The following NRXN3 variants were observed in gnomAD, a reference collection of about 807,000 sequenced individuals.
The protein encoded by NRXN3 is neurexin III.
Under a neutral mutation model 137.6 loss-of-function variants are expected in NRXN3, and 32 were observed. The observed-to-expected ratio is 0.23, with a 90% CI of 0.18 to 0.31. The LOEUF (loss-of-function observed/expected upper bound fraction) is 0.31, where lower values mean the gene tolerates loss of function less well. Ranked by LOEUF, NRXN3 falls within the 10% of genes least tolerant of loss-of-function variation. The pLI is 1.00. For missense variants in NRXN3, 1,574 were observed against 2,062.5 expected (o/e 0.76, Z 4.59); for synonymous variants, 798 against 784.5 (o/e 1.02, Z -0.29).
At chr14:78,961,610 A>C (rs1036156521) in intron 11 of NRXN3, among the ~76,000 whole-genome samples, 5 of 152,226 alleles carry the variant, frequency 3.3e-5, no homozygotes, top group Non-Finnish European at 7.3e-5. Flanking sequence ...TAAAAACTTT[A>C]CGTGTGTTGA....
rs191472275 is a variant in NRXN3 at position 79,539,948 on chromosome 14, C to A, written c.3444+72546C>A. Among the ~76,000 whole-genome samples the A allele has an allele frequency of 2.3e-4, 35 of 152,156 alleles. No homozygotes were observed. The East Asian group carries it at 6.6e-3, about 29-fold the overall frequency. On this transcript the variant is annotated intron_variant, in intron 16 of 20. Transcript: ENST00000335750. ...GCTATTTTTTCTAGGGACTTTTCTT[C>A]TCCCAAAGTTATGTTGAAACAGGCA...
Position 78,645,303 on chromosome 14 carries a change from C to T in NRXN3, c.941C>T (p.Ala314Val), listed in dbSNP as rs748299316. 3.0e-5 allele frequency: 48 copies of T among 1,598,652 alleles called. No homozygotes were observed. Among genetic ancestry groups the T allele is most frequent in the Non-Finnish European group, 3.9e-5 (46 of 1,179,752 alleles). Residue 314 changes from alanine (A) to valine (V), a missense_variant, in exon 5 of 21, where the codon GCG (alanine) becomes GTG (valine). Ala to Val is a moderately conservative substitution (Grantham distance 64, BLOSUM62 0). Transcript: ENST00000335750. The stretch of plus-strand genomic sequence containing the variant: ...GTCAACCTGGCTCTGAAGGATGGTG[C>T]GGTCTCCTTGGTCATTAACCTGGGG... ...DYVNLALKDG[A>V]VSLVINLGSG...
At chr14:78,695,135 A>G (rs1567078138) in intron 6 of NRXN3, among the ~76,000 whole-genome samples, 2 of 151,622 alleles carry the variant, frequency 1.3e-5, no homozygotes, top group Non-Finnish European at 1.5e-5. Flanking sequence ...CTTAATCTCT[A>G]TCTCCATATT....
chr14:79,481,520 A>G (rs1007891990), intron 16 of NRXN3, among the ~76,000 whole-genome samples: 3 of 152,214 alleles, frequency 2.0e-5, no homozygotes, highest in South Asian at 2.1e-4. Context: ...TGTGACGAAT[A>G]CTGTAGGCAA....
At chr14:78,432,628 G>A (rs148777859) in intron 4 of NRXN3, among the ~76,000 whole-genome samples, 2 of 152,320 alleles carry the variant, frequency 1.3e-5, no homozygotes, top group East Asian at 1.9e-4. Flanking sequence ...GAGAAGTTCA[G>A]TAAAGCTGCC....
In NRXN3 at chr14:78,645,237, G is replaced by C; in HGVS notation, c.875G>C (p.Arg292Pro). The C allele has an allele frequency of 6.3e-7, 1 of 1,598,770 alleles. No individual in the cohort carries two copies. Among genetic ancestry groups the C allele is most frequent in the Non-Finnish European group, 8.5e-7 (1 of 1,179,782 alleles). ...ACCCTCTCCTTTAAGACCTGGCAGC[G>C]TAACGGCCTCATCCTGCACACGGGC... Reference protein sequence around the residue: ...EITLSFKTWQRNGLILHTGKS... With the variant: ...EITLSFKTWQPNGLILHTGKS... Residue 292 changes from arginine to proline, a missense_variant, in exon 5 of 21, where the codon CGT becomes CCT. Coordinates refer to ENST00000335750, the MANE Select transcript of NRXN3 (RefSeq NM_001330195.2).
At chr14:78,937,120 G>T (rs1407390003) in intron 10 of NRXN3, among the ~76,000 whole-genome samples, 3 of 150,460 alleles carry the variant, frequency 2.0e-5, no homozygotes, top group Non-Finnish European at 2.9e-5. Flanking sequence ...TACTCGGGAG[G>T]CTGAGGCAGG....
At chr14:78,839,664 A>T (rs1430526259) in intron 10 of NRXN3, among the ~76,000 whole-genome samples, 2 of 152,120 alleles carry the variant, frequency 1.3e-5, no homozygotes, top group Non-Finnish European at 2.9e-5. Context: ...ACTCAATCAC[A>T]TGTTCACCAC....
At chr14:78,398,226 AAAAAAAAAAAG>A (rs1368462264) in intron 4 of NRXN3, among the ~76,000 whole-genome samples, 1 of 149,820 alleles carries the variant, frequency 6.7e-6, no homozygotes, top group African/African-American at 2.4e-5. Context: ...AAAAAAAAAA[AAAAAAAAAAAG>A]TATGTAATTC....
At chr14:79,722,713 C>G (rs1260707171) in intron 19 of NRXN3, among the ~76,000 whole-genome samples, 1 of 152,090 alleles carries the variant, frequency 6.6e-6, no homozygotes, top group Non-Finnish European at 1.5e-5. Context: ...CTACTGTGTT[C>G]TAAGTGTCTT....
intron 8 of NRXN3, chr14:78,744,795 T>C (rs2098599546): frequency 6.6e-6 from 1 of 152,206 alleles, no homozygotes; most frequent in Admixed American, 6.5e-5. Flanking sequence ...TGAATGAAGA[T>C]ACACACAGAG....
chr14:78,477,191 G>C (rs1383504131), intron 4 of NRXN3, among the ~76,000 whole-genome samples: 1 of 151,978 alleles, frequency 6.6e-6, no homozygotes, highest in Non-Finnish European at 1.5e-5. Flanking sequence ...TGCTTTTTCT[G>C]TGCTGTCTGG....
At chr14:78,828,471 C>G (rs1191543629) in intron 10 of NRXN3, among the ~76,000 whole-genome samples, 2 of 152,120 alleles carry the variant, frequency 1.3e-5, no homozygotes, top group Non-Finnish European at 1.5e-5. Context: ...GCCATATAGC[C>G]CTGTCACAAC....
In NRXN3 at chr14:79,328,582, A is replaced by G. The variant is rs2887910; in HGVS notation, c.3263-138639A>G. Among the ~76,000 whole-genome samples the G allele has an allele frequency of 7.7e-3, 1,170 of 152,234 alleles. 26 individuals are homozygous for G. The South Asian group carries it at 0.078, about 10-fold the overall frequency. ...CTTTTTCCATGGTTTCTCTCTCTAA[A>G]CTTGTCATGTTGTTTTATATTTGCT... On this transcript the variant is annotated intron_variant, in intron 15 of 20. Coordinates refer to ENST00000335750, the MANE Select transcript of NRXN3 (RefSeq NM_001330195.2).
chr14:78,567,015 C>T (rs755151449), intron 4 of NRXN3, among the ~76,000 whole-genome samples: 45 of 152,262 alleles, frequency 3.0e-4, no homozygotes, highest in African/African-American at 8.2e-4. Flanking sequence ...CCTCCTGGCT[C>T]CTCTTTACCT....
intron 15 of NRXN3, among the ~76,000 whole-genome samples, chr14:79,005,653 A>G (rs1286716482): frequency 1.3e-5 from 2 of 152,174 alleles, no homozygotes; most frequent in African/African-American, 2.4e-5. Context: ...CTCTTCCCCA[A>G]CGTGCCCTAA....
intron 10 of NRXN3, among the ~76,000 whole-genome samples, chr14:78,819,083 A>G (rs2098943068): frequency 6.6e-6 from 1 of 152,040 alleles, no homozygotes; most frequent in Admixed American, 6.6e-5. Flanking sequence ...TCATCTGACC[A>G]CTTGCTTGGA....
At chr14:79,617,092 C>T (rs1051494089) in intron 16 of NRXN3, among the ~76,000 whole-genome samples, 1 of 152,112 alleles carries the variant, frequency 6.6e-6, no homozygotes, top group Non-Finnish European at 1.5e-5. Context: ...TACTCACTCA[C>T]CAACCTGCTG....
At chr14:78,523,999 C>G (rs541296927) in intron 4 of NRXN3, among the ~76,000 whole-genome samples, 2 of 152,012 alleles carry the variant, frequency 1.3e-5, no homozygotes, top group Admixed American at 1.3e-4. Flanking sequence ...CAATCAATGT[C>G]CTGGGTTCTG....
Sources: allele counts gnomAD v4.1 joint callset (sites outside exome capture counted in the v4.1 genomes callset), GRCh38; gene constraint gnomAD v4.1.1; transcripts MANE v1.5; gene names NCBI Gene and HGNC (gene_info 2026-07-23, HGNC 2026-07-21).